Variants in PCCA observed in about 807,000 individuals in gnomAD.
PCCA encodes propionyl-CoA carboxylase alpha chain, mitochondrial.
PCCA carries 74 observed loss-of-function variants against 101.3 expected under a neutral mutation model. That is an observed-to-expected ratio of 0.73 (90% CI 0.61 to 0.89). PCCA has a LOEUF of 0.89. Among genes scored for constraint, PCCA ranks in the 40% least tolerant of loss-of-function variants. The pLI is 0.00. For synonymous variants in PCCA, 294 were observed against 313.6 expected (o/e 0.94, Z 0.66); for missense variants, 891 against 907.0 (o/e 0.98, Z 0.23).
intron 7 of PCCA, among the ~76,000 whole-genome samples, chr13:100,219,939 T>C (rs1443250216): frequency 1.3e-5 from 2 of 152,224 alleles, no homozygotes; most frequent in African/African-American, 4.8e-5. Context: ...GCCTTTGTTT[T>C]CAGGCTCTTT....
intron 18 of PCCA, among the ~76,000 whole-genome samples, chr13:100,367,315 A>G (rs1199037535): frequency 5.9e-5 from 9 of 152,196 alleles, no homozygotes; most frequent in Non-Finnish European, 7.3e-5. Flanking sequence ...GTTCATAGAT[A>G]TGGAGTCCTT....
At chr13:100,160,370 G>A (rs1566606895) in intron 6 of PCCA, among the ~76,000 whole-genome samples, 1 of 152,058 alleles carries the variant, frequency 6.6e-6, no homozygotes, top group African/African-American at 2.4e-5. Context: ...AGGTATGGTG[G>A]CACGAGCCTT....
intron 16 of PCCA, among the ~76,000 whole-genome samples, chr13:100,316,271 T>C (rs1228184142): frequency 1.3e-5 from 2 of 152,232 alleles, no homozygotes; most frequent in East Asian, 3.8e-4. Context: ...AATGGTTTTG[T>C]GTTTTAATTT....
intron 13 of PCCA, among the ~76,000 whole-genome samples, 160 bp downstream of exon 13, chr13:100,301,763 C>T (rs1268208880): frequency 1.3e-5 from 2 of 152,110 alleles, no homozygotes; most frequent in Non-Finnish European, 2.9e-5. Flanking sequence ...TAATTTTGAC[C>T]TAATTCCAGA....
intron 21 of PCCA, among the ~76,000 whole-genome samples, chr13:100,471,918 TAGCTC>T: frequency 6.6e-6 from 1 of 152,234 alleles, no homozygotes; most frequent in East Asian, 1.9e-4. Flanking sequence ...TTTTGCTCCT[TAGCTC>T]AGCAGAGTCC....
chr13:100,208,223 G>C (rs534579135), intron 6 of PCCA, among the ~76,000 whole-genome samples: 1 of 152,000 alleles, frequency 6.6e-6, no homozygotes, highest in South Asian at 2.1e-4. Flanking sequence ...CTTCCTGCTC[G>C]GGGTGGGTTT....
At chr13:100,481,588 C>G (rs2083937373) in intron 21 of PCCA, among the ~76,000 whole-genome samples, 1 of 152,012 alleles carries the variant, frequency 6.6e-6, no homozygotes, top group Non-Finnish European at 1.5e-5. Flanking sequence ...AGCACTGAGA[C>G]CCCCTGACAG....
intron 21 of PCCA, among the ~76,000 whole-genome samples, chr13:100,497,233 T>C (rs886614296): frequency 6.6e-6 from 1 of 152,176 alleles, no homozygotes; most frequent in Non-Finnish European, 1.5e-5. Context: ...TCTTAGAAAA[T>C]AAAAATCATC....
At chr13:100,309,808 G>A (rs894567877) in intron 15 of PCCA, 25 bp from the exon 16 acceptor site, 1 of 1,462,468 alleles carries the variant, frequency 6.8e-7, no homozygotes, top group Non-Finnish European at 9.6e-7. Context: ...TATATATATT[G>A]GGTTTTTTGT....
intron 12 of PCCA, among the ~76,000 whole-genome samples, chr13:100,285,035 T>G (rs918108713): frequency 1.3e-5 from 2 of 152,190 alleles, no homozygotes; most frequent in African/African-American, 4.8e-5. Flanking sequence ...AGGCCCCAGC[T>G]TTGCCTACAG....
rs765472192 is a variant in PCCA, at chr13:100,301,499, C to G, written c.1105C>G (p.Leu369Val). The G allele has an allele frequency of 2.7e-5, 44 of 1,613,700 alleles. No individual in the cohort carries two copies. The highest frequency in any genetic ancestry group is 5.0e-5 in the Admixed American group (3 of 59,998). Reference sequence around the variant, plus strand: ...CACAGAATGCATTACTGGCCTGGACCTAGTCCAGGAAATGATCCGTGTTGC... The same window carrying G: ...CACAGAATGCATTACTGGCCTGGACGTAGTCCAGGAAATGATCCGTGTTGC... Reference protein sequence around the residue: ...PVTECITGLDLVQEMIRVAKG... With the variant: ...PVTECITGLDVVQEMIRVAKG... Residue 369 changes from leucine to valine, a missense_variant, in exon 13 of 24, where the codon CTA (leucine) becomes GTA (valine). Leu to Val is a conservative substitution (Grantham distance 32, BLOSUM62 1). Coordinates refer to ENST00000376285, the MANE Select transcript of PCCA (RefSeq NM_000282.4).
intron 16 of PCCA, among the ~76,000 whole-genome samples, chr13:100,319,691 C>T (rs2067790063): frequency 6.6e-6 from 1 of 152,142 alleles, no homozygotes; most frequent in Non-Finnish European, 1.5e-5. Flanking sequence ...TTCCATTGGT[C>T]CATATGTCTG....
chr13:100,371,081 A>G (rs1304711504), intron 19 of PCCA, among the ~76,000 whole-genome samples: 1 of 152,220 alleles, frequency 6.6e-6, no homozygotes, highest in Non-Finnish European at 1.5e-5. Flanking sequence ...TCCTATTTAA[A>G]AAGAAAAATA....
chr13:100,232,353 T>TGTGC (rs375518173), intron 7 of PCCA, among the ~76,000 whole-genome samples: 3,362 of 136,408 alleles, frequency 0.025, 107 homozygotes, highest in Admixed American at 0.073. Context: ...TGTGTATGCG[T>TGTGC]GTGTGTGTGT....
chr13:100,218,788 G>A (rs1035269959), intron 7 of PCCA, among the ~76,000 whole-genome samples: 5 of 152,180 alleles, frequency 3.3e-5, no homozygotes, highest in Admixed American at 1.3e-4. Flanking sequence ...TGTCACTCTT[G>A]TGATTATGTT....
At chr13:100,530,025 AG>A in intron 23 of PCCA, 72 bp from the exon 24 acceptor site, 1 of 1,153,706 alleles carries the variant, frequency 8.7e-7, no homozygotes, top group South Asian at 1.3e-5. Flanking sequence ...GAAATGGATT[AG>A]GAGCCTGCCG....
At chr13:100,372,008 A>C (rs958830213) in intron 19 of PCCA, among the ~76,000 whole-genome samples, 3 of 152,176 alleles carry the variant, frequency 2.0e-5, no homozygotes, top group Non-Finnish European at 2.9e-5. Context: ...AATGGATCAA[A>C]GACCTAAATG....
At chr13:100,505,746 A>G (rs985354735) in intron 21 of PCCA, among the ~76,000 whole-genome samples, 6 of 152,262 alleles carry the variant, frequency 3.9e-5, no homozygotes, top group African/African-American at 1.4e-4. Context: ...GTCTGCCTGT[A>G]GTCCCAGGTA....
intron 9 of PCCA, among the ~76,000 whole-genome samples, chr13:100,259,329 G>GTTTTTTTTTTTTTT (rs5806157): frequency 1.5e-5 from 1 of 65,338 alleles, no homozygotes; most frequent in Admixed American, 2.3e-4. Context: ...AAATGTAATG[G>GTTTTTTTTTTTTTT]TTTTTTTTTT....
Sources: allele counts gnomAD v4.1 joint callset (sites outside exome capture counted in the v4.1 genomes callset), GRCh38; gene constraint gnomAD v4.1.1; transcripts MANE v1.5; gene names NCBI Gene and HGNC (gene_info 2026-07-23, HGNC 2026-07-21).